Variants in SDK1 observed in about 807,000 individuals in gnomAD.
SDK1 encodes protein sidekick-1.
In SDK1, 157 loss-of-function variants were observed where a neutral mutation model predicts 245.5. The ratio of observed to expected loss-of-function variants is 0.64; its 90% CI spans 0.56 to 0.73. The LOEUF (loss-of-function observed/expected upper bound fraction) is 0.73, where lower values mean the gene tolerates loss of function less well. Among genes scored for constraint, SDK1 ranks in the 30% least tolerant of loss-of-function variants. The pLI, the probability that SDK1 is intolerant of heterozygous loss-of-function variation, is 0.00. For synonymous variants in SDK1, 1,647 were observed against 1,278.5 expected (o/e 1.29, Z -6.15); for missense variants, 3,583 against 3,002.3 (o/e 1.19, Z -4.52).
chr7:3,431,488 C>CT (rs1779846624), intron 1 of SDK1, among the ~76,000 whole-genome samples: 1 of 151,312 alleles, frequency 6.6e-6, no homozygotes, highest in African/African-American at 2.4e-5. Context: ...AAGGCTCTGC[C>CT]TTTTAAGTCA....
chr7:3,307,094 T>C (rs187262708), intron 1 of SDK1, among the ~76,000 whole-genome samples: 1 of 152,318 alleles, frequency 6.6e-6, no homozygotes, highest in Admixed American at 6.5e-5. Context: ...TGTTTTGTTA[T>C]TTGATTAAAT....
At chr7:3,875,404 G>T (rs1034730569) in intron 5 of SDK1, among the ~76,000 whole-genome samples, 1 of 152,180 alleles carries the variant, frequency 6.6e-6, no homozygotes, top group Non-Finnish European at 1.5e-5. Flanking sequence ...AAACCAAATC[G>T]TTCTTTAGTT....
At chr7:3,307,640 C>A (rs756263870) in intron 1 of SDK1, among the ~76,000 whole-genome samples, 1 of 152,154 alleles carries the variant, frequency 6.6e-6, no homozygotes, top group African/African-American at 2.4e-5. Context: ...CAGCCTGATA[C>A]CAATCTCCTG....
chr7:3,918,197 C>G (rs1163547510), intron 5 of SDK1, among the ~76,000 whole-genome samples: 1 of 152,128 alleles, frequency 6.6e-6, no homozygotes, highest in Non-Finnish European at 1.5e-5. Flanking sequence ...ACCGCGGTAC[C>G]CTGGAGCAGG....
rs1394938860 is a variant in SDK1 at position 4,012,171 on chromosome 7, A to G, written c.2356A>G (p.Met786Val). Residue 786 changes from methionine to valine, a missense_variant, in exon 16 of 45, where the codon ATG (methionine) becomes GTG (valine). Transcript: ENST00000404826. ...VASGRTNQSI[M>V]VQWQPPPETE... ...CAGTGGGCGGACTAATCAGTCCATT[A>G]TGGTCCAGTGGCAGCCACCCCCAGA... 5 of 1,579,696 alleles carry G rather than the reference A, an allele frequency of 3.2e-6. No homozygotes were observed. Among genetic ancestry groups the G allele is most frequent in the Non-Finnish European group, 4.3e-6 (5 of 1,163,104 alleles).
chr7:3,503,295 A>T (rs1782276415), intron 1 of SDK1, among the ~76,000 whole-genome samples: 1 of 152,244 alleles, frequency 6.6e-6, no homozygotes, highest in African/African-American at 2.4e-5. Context: ...TATTTGGCTT[A>T]TTTATAAATT....
intron 9 of SDK1, among the ~76,000 whole-genome samples, chr7:3,964,901 C>T (rs1328218537): frequency 5.9e-5 from 9 of 152,078 alleles, no homozygotes; most frequent in African/African-American, 1.9e-4. Context: ...TCAAATTTGT[C>T]TTTCATTTTG....
chr7:3,711,150 C>A (rs1785039300), intron 4 of SDK1, among the ~76,000 whole-genome samples: 1 of 152,280 alleles, frequency 6.6e-6, no homozygotes, highest in East Asian at 1.9e-4. Context: ...ACACTTTAAT[C>A]ACAGGAAACA....
intron 12 of SDK1, among the ~76,000 whole-genome samples, chr7:3,972,279 C>A (rs1782548883): frequency 6.6e-6 from 1 of 152,058 alleles, no homozygotes; most frequent in East Asian, 1.9e-4. Flanking sequence ...CGGCGTTTCA[C>A]CATGTTAGCC....
chr7:3,950,297 C>T (rs1179233607), intron 5 of SDK1, among the ~76,000 whole-genome samples: 2 of 152,246 alleles, frequency 1.3e-5, no homozygotes, highest in East Asian at 3.9e-4. Flanking sequence ...AGGTAGGGGC[C>T]ATGAAATTTG....
At chr7:4,138,690 TA>T (rs1283732980) in intron 28 of SDK1, among the ~76,000 whole-genome samples, 2 of 145,622 alleles carry the variant, frequency 1.4e-5, no homozygotes, top group Non-Finnish European at 3.0e-5. Flanking sequence ...GAGGTTGCAG[TA>T]TAGCCGAGAT....
At chr7:4,111,614 A>G (rs1481999501) in intron 23 of SDK1, among the ~76,000 whole-genome samples, 2 of 152,186 alleles carry the variant, frequency 1.3e-5, no homozygotes, top group East Asian at 1.9e-4. Flanking sequence ...TCAGGACACA[A>G]TACACTGGGT....
At chr7:3,520,955 G>A in intron 1 of SDK1, among the ~76,000 whole-genome samples, 1 of 152,136 alleles carries the variant, frequency 6.6e-6, no homozygotes, top group Admixed American at 6.5e-5. Flanking sequence ...GTAAGGTATG[G>A]CTGCACTAAG....
intron 5 of SDK1, among the ~76,000 whole-genome samples, chr7:3,833,724 C>G (rs951663581): frequency 3.9e-5 from 6 of 152,206 alleles, no homozygotes; most frequent in Admixed American, 2.6e-4. Context: ...ATGGTACCAT[C>G]ATATTTGAAA....
At chr7:3,635,709 T>C (rs1021175752) in intron 2 of SDK1, among the ~76,000 whole-genome samples, 1 of 151,462 alleles carries the variant, frequency 6.6e-6, no homozygotes, top group African/African-American at 2.5e-5. Flanking sequence ...GAGCTCCTTT[T>C]CTTTTCTTTT....
At position 4,174,264 on chromosome 7, in the gene SDK1, A is replaced by T. The variant is rs779688231; in HGVS notation, c.4843A>T (p.Arg1615Trp). Residue 1615 changes from arginine (R) to tryptophan (W), a missense_variant, in exon 33 of 45, where the codon AGG becomes TGG. Physicochemically the swap from Arg to Trp is moderately radical, Grantham distance 101. Transcript: ENST00000404826. ...ESLNGLLQGY[R>W]IYYRELEYEA... Reference sequence around the variant, plus strand: ...CCTGAATGGCCTTCTTCAGGGATACAGGATCTACTACAGGGAGCTGGAGTA... The same window carrying T: ...CCTGAATGGCCTTCTTCAGGGATACTGGATCTACTACAGGGAGCTGGAGTA... 4 of 1,613,906 alleles carry T rather than the reference A, an allele frequency of 2.5e-6. No individual in the cohort carries two copies. The highest frequency in any genetic ancestry group is 3.4e-6 in the Non-Finnish European group (4 of 1,179,896).
intron 5 of SDK1, among the ~76,000 whole-genome samples, chr7:3,910,878 C>T (rs911645825): frequency 6.6e-6 from 1 of 152,166 alleles, no homozygotes; most frequent in Admixed American, 6.5e-5. Context: ...TCTGTTGTAT[C>T]CCATAAATGT....
rs1701751139 is a variant in SDK1, at chr7:3,971,537, G to T, written c.1786G>T (p.Gly596Cys). The change falls in exon 12 of 45, where the codon GGT becomes TGT. Residue 596 changes from glycine to cysteine, a missense_variant. Gly to Cys is a radical substitution (Grantham distance 159). Coordinates refer to ENST00000404826, the MANE Select transcript of SDK1 (RefSeq NM_152744.4). ...GGGGACCACGGCCACGCTGCACTGT[G>T]GTGCCACACATGACCCCCGGGTTTC... The part of the protein sequence containing the change: ...IKGTTATLHC[G>C]ATHDPRVSLR... The T allele has an allele frequency of 2.5e-6, 4 of 1,613,492 alleles. No individual in the cohort carries two copies. The East Asian group carries it at 8.9e-5, about 36-fold the overall frequency.
chr7:4,231,861 G>A (rs1260984298), intron 40 of SDK1, among the ~76,000 whole-genome samples: 1 of 152,122 alleles, frequency 6.6e-6, no homozygotes, highest in Admixed American at 6.5e-5. Context: ...GGGTGATAAG[G>A]TTGGTTTCCG....
Sources: allele counts gnomAD v4.1 joint callset (sites outside exome capture counted in the v4.1 genomes callset), GRCh38; gene constraint gnomAD v4.1.1; transcripts MANE v1.5; gene names NCBI Gene and HGNC (gene_info 2026-07-23, HGNC 2026-07-21).